RHEB: variants seen among roughly 807,000 people sequenced by gnomAD.
RHEB encodes the protein Ras homolog, mTORC1 binding, also known as GTP-binding protein Rheb.
Under a neutral mutation model 28.8 loss-of-function variants are expected in RHEB, and 2 were observed. The ratio of observed to expected loss-of-function variants is 0.07; its 90% CI spans 0.03 to 0.22. The LOEUF (loss-of-function observed/expected upper bound fraction) is 0.22, where lower values mean the gene tolerates loss of function less well. RHEB is among the 10% of genes least tolerant of loss of function. RHEB has a pLI of 1.00. For missense variants in RHEB, 76 were observed against 219.9 expected (o/e 0.35, Z 4.14); for synonymous variants, 69 against 77.3 (o/e 0.89, Z 0.56).
chr7:151,497,804 C>T (rs1447715260), intron 1 of RHEB, among the ~76,000 whole-genome samples: 1 of 152,192 alleles, frequency 6.6e-6, no homozygotes, highest in Non-Finnish European at 1.5e-5. Context: ...TTCTCTAGAT[C>T]CCACACTCCC....
At chr7:151,480,184 T>C (rs1802357428) in intron 3 of RHEB, among the ~76,000 whole-genome samples, 1 of 152,160 alleles carries the variant, frequency 6.6e-6, no homozygotes, top group Admixed American at 6.5e-5. Flanking sequence ...TGTGCATTAT[T>C]ACCCTATGTC....
chr7:151,504,867 CAA>C (rs554648802), intron 1 of RHEB, among the ~76,000 whole-genome samples: 1 of 138,594 alleles, frequency 7.2e-6, no homozygotes. Context: ...AATGCTACCT[CAA>C]AAAAAAAAAA....
chr7:151,474,001 G>A (rs1802218295), intron 4 of RHEB, among the ~76,000 whole-genome samples: 1 of 152,182 alleles, frequency 6.6e-6, no homozygotes, highest in Non-Finnish European at 1.5e-5. Context: ...CGAACCAGAA[G>A]TCATAATGGA....
intron 4 of RHEB, among the ~76,000 whole-genome samples, chr7:151,475,070 C>T (rs1324618365): frequency 6.6e-6 from 1 of 152,188 alleles, no homozygotes; most frequent in Non-Finnish European, 1.5e-5. Context: ...TGCAACAGTG[C>T]CACTGAGAAG....
intron 1 of RHEB, among the ~76,000 whole-genome samples, chr7:151,497,070 G>A (rs1019245548): frequency 3.3e-5 from 5 of 151,520 alleles, no homozygotes; most frequent in Non-Finnish European, 5.9e-5. Flanking sequence ...TTACAGGTAT[G>A]AGCCGCCGCA....
At chr7:151,503,055 A>C (rs967770775) in intron 1 of RHEB, 11 of 790,810 alleles carry the variant, frequency 1.4e-5, no homozygotes, top group Middle Eastern at 2.2e-4. Context: ...GACACGCGAA[A>C]GTACTGTTTT....
At chr7:151,503,273 T>G in intron 1 of RHEB, 1 of 786,150 alleles carries the variant, frequency 1.3e-6, no homozygotes. Context: ...AGCATGCCCC[T>G]GTTGGAATGG....
intron 1 of RHEB, among the ~76,000 whole-genome samples, chr7:151,513,351 AG>A (rs1803024179): frequency 6.6e-6 from 1 of 152,258 alleles, no homozygotes; most frequent in South Asian, 2.1e-4. Flanking sequence ...AGTCAATTCA[AG>A]TAAAAACTGG....
chr7:151,504,389 G>A (rs1802829732), intron 1 of RHEB, among the ~76,000 whole-genome samples: 1 of 152,134 alleles, frequency 6.6e-6, no homozygotes, highest in Non-Finnish European at 1.5e-5. Flanking sequence ...GGATGCTTGA[G>A]GATAGCAAAA....
intron 2 of RHEB, among the ~76,000 whole-genome samples, chr7:151,489,397 T>C (rs1802539417): frequency 6.6e-6 from 1 of 152,208 alleles, no homozygotes; most frequent in African/African-American, 2.4e-5. Context: ...AATCATAGGA[T>C]GTAATCAGGA....
intron 1 of RHEB, among the ~76,000 whole-genome samples, chr7:151,500,754 T>C (rs974292614): frequency 2.6e-5 from 4 of 152,188 alleles, no homozygotes; most frequent in African/African-American, 7.2e-5. Flanking sequence ...GGATCCAAAA[T>C]AGATCATATT....
rs142774083 is a variant in RHEB, at chr7:151,519,512, C to A, written c.-1G>T. The A allele has an allele frequency of 3.3e-4, 509 of 1,553,526 alleles. 5 individuals are homozygous for A. In the African/African-American group the frequency reaches 6.7e-3, roughly 20 times the overall value. On this transcript the variant is annotated 5_prime_UTR_variant, in exon 1 of 8. Coordinates refer to ENST00000262187, the MANE Select transcript of RHEB (RefSeq NM_005614.4). ...TCTTCCGGGACTTGGACTGCGGCAT[C>A]TTGGCGGCCTCCTCAGCCCCGGCCC... is the stretch of plus-strand genomic sequence containing the variant.
chr7:151,515,894 C>T lies in RHEB; in HGVS notation c.52+3566G>A, dbSNP rs560099247. On this transcript the variant is annotated intron_variant, in intron 1 of 7. Coordinates refer to ENST00000262187, the MANE Select transcript of RHEB (RefSeq NM_005614.4). ...CTTTCACATGCCTGTGATCCCATCC[C>T]TCTTATTAACTGTATGTAAGAGGCT... Among the ~76,000 whole-genome samples the T allele has an allele frequency of 5.3e-5, 8 of 152,334 alleles. No homozygotes were observed. In the South Asian group the frequency reaches 1.2e-3, roughly 24 times the overall value.
rs73478513 is a variant in RHEB at position 151,507,473 on chromosome 7, T to G, written c.52+11987A>C. 5.3e-3 allele frequency among the ~76,000 whole-genome samples: 805 copies of G among 152,122 alleles called. 7 individuals are homozygous for G. The highest frequency in any genetic ancestry group is 0.018 in the African/African-American group (761 of 41,550). The stretch of plus-strand genomic sequence containing the variant: ...TCTAATTGGAATACCAATCCCCACA[T>G]GTCCGTCATATAGAGTCAGATGAGA... On this transcript the variant is annotated intron_variant, in intron 1 of 7. Coordinates refer to ENST00000262187, the MANE Select transcript of RHEB (RefSeq NM_005614.4).
intron 2 of RHEB, among the ~76,000 whole-genome samples, chr7:151,485,279 A>G (rs1485446447): frequency 1.3e-5 from 2 of 152,254 alleles, no homozygotes; most frequent in Non-Finnish European, 2.9e-5. Context: ...TTACTGACGG[A>G]TAAAACAGCA....
At chr7:151,490,772 A>C (rs1487184736) in intron 2 of RHEB, among the ~76,000 whole-genome samples, 171 bp downstream of exon 2, 1 of 152,350 alleles carries the variant, frequency 6.6e-6, no homozygotes, top group East Asian at 1.9e-4. Flanking sequence ...CAGACATGGA[A>C]GGAAAAATCT....
intron 1 of RHEB, chr7:151,501,815 A>G: frequency 5.0e-6 from 2 of 402,372 alleles, no homozygotes; most frequent in Admixed American, 3.2e-5. Context: ...GGTCAGAAAG[A>G]GCCGGTGTCC....
chr7:151,510,161 C>CA (rs1802957287), intron 1 of RHEB, among the ~76,000 whole-genome samples: 2 of 152,226 alleles, frequency 1.3e-5, no homozygotes, highest in South Asian at 4.1e-4. Flanking sequence ...CTCATTCACT[C>CA]AGTGAGCCAC....
At chr7:151,486,342 T>C (rs1802473254) in intron 2 of RHEB, among the ~76,000 whole-genome samples, 1 of 152,176 alleles carries the variant, frequency 6.6e-6, no homozygotes, top group Admixed American at 6.5e-5. Context: ...GAACAATTTC[T>C]TGAGTGCCTA....
Sources: gnomAD v4.1 joint callset for allele counts (sites outside exome capture counted in the v4.1 genomes callset) on GRCh38, gnomAD v4.1.1 for gene constraint, MANE v1.5 for transcripts, NCBI Gene and HGNC (gene_info 2026-07-23, HGNC 2026-07-21) for gene names.